ANKRD62: variants seen among roughly 807,000 people sequenced by gnomAD.
ANKRD62 encodes ankyrin repeat domain 62.
ANKRD62 carries 61 observed loss-of-function variants against 98.8 expected under a neutral mutation model. The observed-to-expected ratio is 0.62, with a 90% CI of 0.50 to 0.76. The LOEUF (loss-of-function observed/expected upper bound fraction) is 0.76, where lower values mean the gene tolerates loss of function less well. ANKRD62 is among the 30% of genes least tolerant of loss of function. The pLI is 0.00. For synonymous variants in ANKRD62, 341 were observed against 367.9 expected (o/e 0.93, Z 0.84); for missense variants, 933 against 1,082.9 (o/e 0.86, Z 1.94).
intron 13 of ANKRD62, 56 bp from the exon 14 acceptor site, chr18:12,127,692 C>G: frequency 7.9e-7 from 1 of 1,264,640 alleles, no homozygotes; most frequent in Non-Finnish European, 1.0e-6. Context: ...ATATTATTAA[C>G]AAAATTTAAT....
the ANKRD62 span, among the ~76,000 whole-genome samples, chr18:12,137,820 A>G: frequency 4.6e-4 from 70 of 152,060 alleles, no homozygotes; most frequent in Non-Finnish European, 7.1e-4. Context: ...TTGATTTTCT[A>G]GTTTATTTGC....
At chr18:12,139,020 A>G in the ANKRD62 span, among the ~76,000 whole-genome samples, 38,129 of 152,056 alleles carry the variant, frequency 0.25, 4,985 homozygotes, top group Middle Eastern at 0.33. Context: ...GTGCCTTTTA[A>G]TTGGAGCATT....
chr18:12,110,274 T>C (rs1366819779), intron 8 of ANKRD62, among the ~76,000 whole-genome samples: 2 of 152,240 alleles, frequency 1.3e-5, no homozygotes, highest in African/African-American at 4.8e-5. Context: ...GAGTATAAAA[T>C]GTCTCAGAGT....
Position 12,127,890 on chromosome 18 carries a change from T to A in ANKRD62, c.2705T>A (p.Met902Lys). ...AQSLKKKLGQ[M>K]RSQVCMKLSM... Reference sequence around the variant, plus strand: ...AGTTTAAAAAAGAAATTAGGCCAGATGAGAAGTCAAGTATGTATGAAACTT... The same window carrying A: ...AGTTTAAAAAAGAAATTAGGCCAGAAGAGAAGTCAAGTATGTATGAAACTT... Residue 902 changes from methionine to lysine, a missense_variant, in exon 14 of 14, where the codon ATG becomes AAG. This residue lies in a region of ANKRD62 where 362 missense variants were observed against 434.5 expected (regional missense o/e 0.83). Coordinates refer to ENST00000587848, the MANE Select transcript of ANKRD62 (RefSeq NM_001277333.2). The A allele has an allele frequency of 6.6e-7, 1 of 1,521,546 alleles. No individual in the cohort carries two copies. The highest frequency in any genetic ancestry group is 8.8e-7 in the Non-Finnish European group (1 of 1,141,086). The allele number at this position is 1,521,546 out of a possible 1,614,324, so 94.3% of individuals were successfully genotyped here.
At chr18:12,116,034 C>T (rs953136376) in intron 10 of ANKRD62, among the ~76,000 whole-genome samples, 3 of 152,152 alleles carry the variant, frequency 2.0e-5, no homozygotes, top group Non-Finnish European at 2.9e-5. Flanking sequence ...ACCCTTGTTT[C>T]TCTGTGTGTC....
At chr18:12,118,792 T>A (rs1909723437) in intron 10 of ANKRD62, among the ~76,000 whole-genome samples, 1 of 152,152 alleles carries the variant, frequency 6.6e-6, no homozygotes, top group Non-Finnish European at 1.5e-5. Flanking sequence ...TATTGGAGGA[T>A]GTCTTGGTTG....
Position 12,124,134 on chromosome 18 carries a change from C to T in ANKRD62, c.1455-3C>T, listed in dbSNP as rs202042984. ...CTTTTAAGATAAGTATATTTAACTACAGATTTATCTTACAACAACAAGAAG... is the reference window on the plus strand; with the variant it reads ...CTTTTAAGATAAGTATATTTAACTATAGATTTATCTTACAACAACAAGAAG... On this transcript the variant is annotated splice_region_variant and splice_polypyrimidine_tract_variant and intron_variant, in intron 11 of 13. Coordinates refer to ENST00000587848, the MANE Select transcript of ANKRD62 (RefSeq NM_001277333.2). The T allele has an allele frequency of 4.0e-5, 50 of 1,242,184 alleles. No individual in the cohort carries two copies. Among genetic ancestry groups the T allele is most frequent in the Non-Finnish European group, 5.2e-5 (47 of 897,506 alleles). The allele number at this position is 1,242,184 out of a possible 1,614,324, so 76.9% of individuals were successfully genotyped here. A position where few individuals can be genotyped will look rare whatever the true frequency, so the allele number is the denominator to read the frequency against.
Position 12,096,290 on chromosome 18 carries a change from A to G in ANKRD62, c.602A>G (p.Asp201Gly). The G allele has an allele frequency of 6.6e-7, 1 of 1,525,850 alleles. No homozygotes were observed. The allele number at this position is 1,525,850 out of a possible 1,614,324, so 94.5% of individuals were successfully genotyped here. Residue 201 changes from aspartate (D) to glycine (G), a missense_variant, in exon 4 of 14, where the codon GAT (aspartate) becomes GGT (glycine). Asp to Gly is a moderately conservative substitution (Grantham distance 94, BLOSUM62 -1). Transcript: ENST00000587848. Reference protein sequence around the residue: ...LKKKPDLTAIDNFGRTALILA... With the variant: ...LKKKPDLTAIGNFGRTALILA... ...AAAAAACCAGATTTAACTGCAATAG[A>G]TAATTTTGGAAGGTACAGTAGTTCT...
the ANKRD62 span, among the ~76,000 whole-genome samples, chr18:12,163,143 A>C: frequency 6.6e-6 from 1 of 152,088 alleles, no homozygotes; most frequent in Non-Finnish European, 1.5e-5. Context: ...CTTCCAATTC[A>C]AGAACATTAA....
chr18:12,170,295 C>T, the ANKRD62 span, among the ~76,000 whole-genome samples: 1 of 152,188 alleles, frequency 6.6e-6, no homozygotes, highest in African/African-American at 2.4e-5. Context: ...CTACACACTG[C>T]TTTGAATGTG....
the ANKRD62 span, among the ~76,000 whole-genome samples, chr18:12,171,727 A>T: frequency 6.6e-6 from 1 of 152,326 alleles, no homozygotes; most frequent in Non-Finnish European, 1.5e-5. Flanking sequence ...AATATCCTGC[A>T]GAGTGTTTTC....
At chr18:12,154,254 GA>G in the ANKRD62 span, among the ~76,000 whole-genome samples, 3 of 152,112 alleles carry the variant, frequency 2.0e-5, no homozygotes, top group South Asian at 6.2e-4. Flanking sequence ...AAATTTACAA[GA>G]GAGAACAAGC....
chr18:12,137,960 C>A, the ANKRD62 span, among the ~76,000 whole-genome samples: 1 of 151,950 alleles, frequency 6.6e-6, no homozygotes. Flanking sequence ...GTCTTGCTAG[C>A]GGTCTATCAA....
chr18:12,103,438 A>C (rs1909349614), intron 7 of ANKRD62, among the ~76,000 whole-genome samples: 1 of 152,164 alleles, frequency 6.6e-6, no homozygotes, highest in Non-Finnish European at 1.5e-5. Flanking sequence ...TGAGGCAAAA[A>C]GTTCCTGAGT....
chr18:12,139,664 G>A, the ANKRD62 span, among the ~76,000 whole-genome samples: 1 of 151,758 alleles, frequency 6.6e-6, no homozygotes, highest in African/African-American at 2.4e-5. Context: ...AAAGAATGTT[G>A]AGTATTGGCC....
At position 12,124,355 on chromosome 18, in the gene ANKRD62, A is replaced by C. The variant is rs577470351; in HGVS notation, c.1638+35A>C. Reference sequence around the variant, plus strand: ...TGTTTGGTAAAATTTTACATTTCTAATTTTATTTTATTAATATTACTTAGA... The same window carrying C: ...TGTTTGGTAAAATTTTACATTTCTACTTTTATTTTATTAATATTACTTAGA... On this transcript the variant is annotated intron_variant, in intron 12 of 13. Coordinates refer to ENST00000587848, the MANE Select transcript of ANKRD62 (RefSeq NM_001277333.2). The C allele has an allele frequency of 5.8e-4, 390 of 671,912 alleles. 2 individuals are homozygous for C. Among genetic ancestry groups the C allele is most frequent in the African/African-American group, 5.4e-3 (286 of 53,426 alleles). 41.6% of individuals were successfully genotyped at this position (671,912 alleles called of 1,614,324 possible).
At chr18:12,146,555 C>T in the ANKRD62 span, among the ~76,000 whole-genome samples, 636 of 152,336 alleles carry the variant, frequency 4.2e-3, 8 homozygotes, top group African/African-American at 0.014. Flanking sequence ...AAGCAATTCT[C>T]CAGCCTCAGC....
At chr18:12,100,894 C>G (rs1598730525) in intron 6 of ANKRD62, among the ~76,000 whole-genome samples, 1 of 152,062 alleles carries the variant, frequency 6.6e-6, no homozygotes, top group Non-Finnish European at 1.5e-5. Flanking sequence ...TTCGAATAGC[C>G]CAACTCTAGG....
At chr18:12,156,994 T>C in the ANKRD62 span, among the ~76,000 whole-genome samples, 2 of 152,310 alleles carry the variant, frequency 1.3e-5, no homozygotes, top group Non-Finnish European at 2.9e-5. Flanking sequence ...AGCATCTCAC[T>C]ATGTTGCCCA....
Sources: allele counts gnomAD v4.1 joint callset (sites outside exome capture counted in the v4.1 genomes callset), GRCh38; gene constraint gnomAD v4.1.1; regional missense constraint gnomAD v4.1.1; transcripts MANE v1.5; gene names NCBI Gene and HGNC (gene_info 2026-07-23, HGNC 2026-07-21).